The following LRRC8C variants were observed in gnomAD, a reference collection of about 807,000 sequenced individuals.
LRRC8C encodes the protein leucine rich repeat containing 8 VRAC subunit C, also known as volume-regulated anion channel subunit LRRC8C.
Under a neutral mutation model 55.3 loss-of-function variants are expected in LRRC8C, and 20 were observed. The ratio of observed to expected loss-of-function variants is 0.36; its 90% CI spans 0.25 to 0.53. The LOEUF (loss-of-function observed/expected upper bound fraction) is 0.53, where lower values mean the gene tolerates loss of function less well. LRRC8C is among the 20% of genes least tolerant of loss of function. The probability of loss-of-function intolerance (pLI) is 0.92; values close to 1 mark genes in which losing one functional copy is unlikely to be tolerated. For synonymous variants in LRRC8C, 376 were observed against 360.7 expected (o/e 1.04, Z -0.48); for missense variants, 659 against 951.4 (o/e 0.69, Z 4.04).
At chr1:89,624,110 T>C in the LRRC8C span, among the ~76,000 whole-genome samples, 1 of 152,202 alleles carries the variant, frequency 6.6e-6, no homozygotes, top group Admixed American at 6.5e-5. Context: ...AACTCCACAG[T>C]GGATTGTGTT....
intron 1 of LRRC8C, among the ~76,000 whole-genome samples, chr1:89,655,338 A>T (rs1656911925): frequency 6.6e-6 from 1 of 151,966 alleles, no homozygotes; most frequent in Non-Finnish European, 1.5e-5. Flanking sequence ...GAAGTTTTTA[A>T]GTGTGAACTC....
chr1:89,651,325 T>G (rs895643833), intron 1 of LRRC8C, among the ~76,000 whole-genome samples: 1 of 152,074 alleles, frequency 6.6e-6, no homozygotes, highest in African/African-American at 2.4e-5. Flanking sequence ...TCCCAACACT[T>G]TGGGAGGCCA....
At chr1:89,649,773 T>A (rs1279853816) in intron 1 of LRRC8C, among the ~76,000 whole-genome samples, 1 of 152,200 alleles carries the variant, frequency 6.6e-6, no homozygotes, top group Non-Finnish European at 1.5e-5. Context: ...TTTGGTCTAT[T>A]TAGAGATGCT....
At chr1:89,678,364 A>C (rs887278768) in intron 1 of LRRC8C, among the ~76,000 whole-genome samples, 1 of 152,246 alleles carries the variant, frequency 6.6e-6, no homozygotes, top group Non-Finnish European at 1.5e-5. Flanking sequence ...AAGTTCTGCC[A>C]TCATGAAACT....
the LRRC8C span, among the ~76,000 whole-genome samples, chr1:89,625,585 T>C: frequency 6.6e-6 from 1 of 152,172 alleles, no homozygotes. Flanking sequence ...GGATGGGTGG[T>C]GGCTTTCACG....
Position 89,669,222 on chromosome 1 carries a change from A to G in LRRC8C, c.-4-17248A>G, listed in dbSNP as rs544484077. Among the ~76,000 whole-genome samples the G allele has an allele frequency of 7.8e-4, 118 of 152,246 alleles. 2 individuals carry two copies. Among genetic ancestry groups the G allele is most frequent in the African/African-American group, 2.6e-3 (107 of 41,554 alleles). ...ATGTGATTCCATATGTGAAGTATCT[A>G]AAGTAGTCAAATTAATAAAATCAAA... On this transcript the variant is annotated intron_variant, in intron 1 of 2. Coordinates refer to ENST00000370454, the MANE Select transcript of LRRC8C (RefSeq NM_032270.5).
chr1:89,693,680 C>CA (rs1181005726), intron 2 of LRRC8C, among the ~76,000 whole-genome samples: 3 of 88,386 alleles, frequency 3.4e-5, no homozygotes, highest in African/African-American at 1.5e-4. Context: ...TTTTTTGAGA[C>CA]AGAGTCTCAC....
rs1364675981 is a variant in LRRC8C, at chr1:89,717,507, T to G, written c.*2525T>G. 1 of 152,174 alleles carries G rather than the reference T, an allele frequency of 6.6e-6. No individual in the cohort carries two copies. The highest frequency in any genetic ancestry group is 1.5e-5 in the Non-Finnish European group (1 of 68,014). 9.4% of individuals were successfully genotyped at this position (152,174 alleles called of 1,614,324 possible). A position where few individuals can be genotyped will look rare whatever the true frequency, so the allele number is the denominator to read the frequency against. On this transcript the variant is annotated 3_prime_UTR_variant, in exon 3 of 3. Coordinates refer to ENST00000370454, the MANE Select transcript of LRRC8C (RefSeq NM_032270.5). ...CAACCTAAGTTTTGATAACATCTGGTAAGTCAGTATAGTTCTGTGACTTCA... is the reference window on the plus strand; with the variant it reads ...CAACCTAAGTTTTGATAACATCTGGGAAGTCAGTATAGTTCTGTGACTTCA...
chr1:89,712,923 G>A lies in LRRC8C; in HGVS notation c.353G>A (p.Arg118Gln), dbSNP rs1176251140. ...YSFINQMCYE[R>Q]ALHWYAKYFP... ...TTTATAAATCAGATGTGTTATGAGC[G>A]AGCCCTCCACTGGTATGCCAAGTAT... Residue 118 changes from arginine to glutamine, a missense_variant, in exon 3 of 3, where the codon CGA (arginine) becomes CAA (glutamine). Arg to Gln is a conservative substitution (Grantham distance 43). Transcript: ENST00000370454. 5 of 1,613,684 alleles carry A rather than the reference G, an allele frequency of 3.1e-6. No homozygotes were observed. The highest frequency in any genetic ancestry group is 1.7e-5 in the Admixed American group (1 of 59,978).
rs377486077 is a variant in LRRC8C at position 89,673,004 on chromosome 1, T to G, written c.-4-13466T>G. ...CCTTGGCCCTAAGCCTACTTTCCAC[T>G]GCCCAAAACATCATCTACTTCATTC... On this transcript the variant is annotated intron_variant, in intron 1 of 2. Coordinates refer to ENST00000370454, the MANE Select transcript of LRRC8C (RefSeq NM_032270.5). Among the ~76,000 whole-genome samples, 10 of 152,242 alleles carry G rather than the reference T, an allele frequency of 6.6e-5. No homozygotes were observed. The South Asian group carries it at 2.1e-3, about 32-fold the overall frequency.
Position 89,689,011 on chromosome 1 carries a change from A to T in LRRC8C, c.138+2400A>T, listed in dbSNP as rs538250290. On this transcript the variant is annotated intron_variant, in intron 2 of 2. Coordinates refer to ENST00000370454, the MANE Select transcript of LRRC8C (RefSeq NM_032270.5). ...GTAGATCACTTTCCTTGCACTGGAGATGATTTGGGGAGGAGAGGCTCAGGA... is the reference window on the plus strand; with the variant it reads ...GTAGATCACTTTCCTTGCACTGGAGTTGATTTGGGGAGGAGAGGCTCAGGA... Among the ~76,000 whole-genome samples the T allele has an allele frequency of 2.4e-3, 366 of 152,244 alleles. 5 individuals are homozygous for T. Among genetic ancestry groups the T allele is most frequent in the Admixed American group, 0.018 (269 of 15,284 alleles).
At chr1:89,694,873 C>T (rs1265821759) in intron 2 of LRRC8C, among the ~76,000 whole-genome samples, 1 of 151,454 alleles carries the variant, frequency 6.6e-6, no homozygotes, top group Admixed American at 6.6e-5. Context: ...CAGCCCATGC[C>T]CAGCTTTTTT....
At chr1:89,674,698 A>C (rs1657508288) in intron 1 of LRRC8C, among the ~76,000 whole-genome samples, 1 of 152,152 alleles carries the variant, frequency 6.6e-6, no homozygotes, top group African/African-American at 2.4e-5. Flanking sequence ...CTGGCATGAG[A>C]TGGAGGGCAG....
At chr1:89,661,879 AGAG>A (rs34336333) in intron 1 of LRRC8C, among the ~76,000 whole-genome samples, 51,040 of 151,804 alleles carry the variant, frequency 0.34, 8,542 homozygotes, top group Admixed American at 0.37. Context: ...GGCTTGGACC[AGAG>A]GAGTAGTGAT....
intron 2 of LRRC8C, among the ~76,000 whole-genome samples, chr1:89,699,723 C>T (rs927590897): frequency 1.3e-5 from 2 of 152,064 alleles, no homozygotes; most frequent in Non-Finnish European, 2.9e-5. Context: ...TTTCTGTGCT[C>T]CTGTGGCGAT....
chr1:89,625,511 A>C, the LRRC8C span, among the ~76,000 whole-genome samples: 1 of 152,230 alleles, frequency 6.6e-6, no homozygotes, highest in Non-Finnish European at 1.5e-5. Context: ...AGAGACAAAA[A>C]TATGAGTGGA....
chr1:89,667,237 A>G (rs767895699), intron 1 of LRRC8C, among the ~76,000 whole-genome samples: 2 of 152,032 alleles, frequency 1.3e-5, no homozygotes, highest in Non-Finnish European at 2.9e-5. Context: ...CCAAACTTCT[A>G]TCTCTATCCC....
At chr1:89,623,336 T>C in the LRRC8C span, among the ~76,000 whole-genome samples, 79,666 of 152,134 alleles carry the variant, frequency 0.52, 22,062 homozygotes, top group East Asian at 0.74. Flanking sequence ...ATTAATGGTG[T>C]CTTTTCTTTG....
intron 1 of LRRC8C, among the ~76,000 whole-genome samples, chr1:89,650,048 A>G (rs969892529): frequency 6.6e-6 from 1 of 152,234 alleles, no homozygotes; most frequent in Non-Finnish European, 1.5e-5. Context: ...CCAAAAATAT[A>G]GAACACTGTA....
Sources: gnomAD v4.1 joint callset for allele counts (sites outside exome capture counted in the v4.1 genomes callset) on GRCh38, gnomAD v4.1.1 for gene constraint, MANE v1.5 for transcripts, NCBI Gene and HGNC (gene_info 2026-07-23, HGNC 2026-07-21) for gene names.